CNTLN: variants seen among roughly 807,000 people sequenced by gnomAD.
CNTLN encodes centlein, centrosomal protein.
A neutral mutation model predicts 180.0 loss-of-function variants in CNTLN; 212 were observed. The ratio of observed to expected loss-of-function variants is 1.18; its 90% CI spans 1.05 to 1.32. CNTLN has a LOEUF of 1.32. CNTLN is among the 40% of genes most tolerant of loss of function. The pLI, the probability that CNTLN is intolerant of heterozygous loss-of-function variation, is 0.00. For synonymous variants in CNTLN, 722 were observed against 563.1 expected (o/e 1.28, Z -3.99); for missense variants, 2,095 against 1,610.9 (o/e 1.30, Z -5.14).
intron 5 of CNTLN, among the ~76,000 whole-genome samples, chr9:17,253,999 T>C (rs1210848733): frequency 3.3e-5 from 5 of 151,664 alleles, no homozygotes; most frequent in Non-Finnish European, 5.9e-5. Context: ...TGTGTTGAAT[T>C]TTATCATGAT....
At chr9:17,316,830 G>A (rs565905636) in intron 8 of CNTLN, among the ~76,000 whole-genome samples, 1 of 151,850 alleles carries the variant, frequency 6.6e-6, no homozygotes. Flanking sequence ...TACCCTGGGG[G>A]GGATTATAAC....
At chr9:17,518,522 C>G in the CNTLN span, among the ~76,000 whole-genome samples, 4 of 152,064 alleles carry the variant, frequency 2.6e-5, no homozygotes, top group Non-Finnish European at 5.9e-5. Flanking sequence ...ATGCTTTCAA[C>G]TGAAATATTA....
chr9:17,173,103 C>T (rs116090914), intron 2 of CNTLN, among the ~76,000 whole-genome samples: 2,046 of 152,210 alleles, frequency 0.013, 50 homozygotes, highest in African/African-American at 0.047. Flanking sequence ...ACGAATAGTA[C>T]ATCTTTTATC....
downstream of CNTLN, among the ~76,000 whole-genome samples, chr9:17,506,845 T>A (rs1465079581): frequency 2.6e-5 from 4 of 152,132 alleles, no homozygotes; most frequent in South Asian, 2.1e-4. Flanking sequence ...TCTTAAAAAA[T>A]TTTTAATTGA....
intron 5 of CNTLN, among the ~76,000 whole-genome samples, chr9:17,252,853 T>A: frequency 6.6e-6 from 1 of 151,298 alleles, no homozygotes; most frequent in Non-Finnish European, 1.5e-5. Context: ...ACCAATGTCT[T>A]GGAGAGTTTT....
At chr9:17,521,278 A>AG in the CNTLN span, among the ~76,000 whole-genome samples, 1 of 150,932 alleles carries the variant, frequency 6.6e-6, no homozygotes, top group Non-Finnish European at 1.5e-5. Flanking sequence ...AGAGAGAGAG[A>AG]GAGAGAGAGA....
At chr9:17,433,032 A>AAAC (rs1829517834) in intron 18 of CNTLN, among the ~76,000 whole-genome samples, 1 of 150,032 alleles carries the variant, frequency 6.7e-6, no homozygotes, top group African/African-American at 2.4e-5. Context: ...AAAAAAAAAA[A>AAAC]AAAAAACAAA....
At position 17,394,987 on chromosome 9, in the gene CNTLN, G is replaced by A. The variant is rs766503317; in HGVS notation, c.2533G>A (p.Val845Ile). The change falls in exon 15 of 26, where the codon GTT (valine) becomes ATT (isoleucine). Residue 845 changes from valine (V) to isoleucine (I), a missense_variant. Coordinates refer to ENST00000380647, the MANE Select transcript of CNTLN (RefSeq NM_017738.4). ...KNCSVGRHHTVLNHSIKVMSN... is the reference protein window; with the variant it reads ...KNCSVGRHHTILNHSIKVMSN... ...TTGCTCTGTGGGTCGTCACCACACT[G>A]TTCTCAATCATTCCATCAAGGTTAT... 4 of 1,613,614 alleles carry A rather than the reference G, an allele frequency of 2.5e-6. No homozygotes were observed. The South Asian group carries it at 3.3e-5, about 13-fold the overall frequency.
intron 18 of CNTLN, among the ~76,000 whole-genome samples, chr9:17,417,156 A>G (rs1014351404): frequency 1.3e-4 from 20 of 152,184 alleles, no homozygotes; most frequent in African/African-American, 4.8e-4. Flanking sequence ...GTGGGATACC[A>G]GATAAGACTG....
intron 5 of CNTLN, among the ~76,000 whole-genome samples, chr9:17,249,181 A>T (rs900211415): frequency 1.3e-5 from 2 of 152,030 alleles, no homozygotes; most frequent in African/African-American, 4.8e-5. Flanking sequence ...TATTAATGAG[A>T]TACATCTTTT....
intron 2 of CNTLN, among the ~76,000 whole-genome samples, chr9:17,189,947 G>A (rs1443765199): frequency 6.6e-6 from 1 of 151,806 alleles, no homozygotes; most frequent in Admixed American, 6.6e-5. Flanking sequence ...TCCTTTGTCT[G>A]GAGTAGCTTT....
intron 25 of CNTLN, among the ~76,000 whole-genome samples, chr9:17,489,820 AT>A (rs142958250): frequency 0.01 from 1,588 of 152,218 alleles, 29 homozygotes; most frequent in African/African-American, 0.036. Flanking sequence ...TATATTTGAC[AT>A]TTATCTGCAG....
At chr9:17,345,996 T>C (rs10115784) in intron 12 of CNTLN, among the ~76,000 whole-genome samples, 134,222 of 152,176 alleles carry the variant, frequency 0.88, 59,484 homozygotes, top group Non-Finnish European at 0.92. Flanking sequence ...CTGGATTTCT[T>C]CTTCATTATT....
the CNTLN span, among the ~76,000 whole-genome samples, chr9:17,513,040 C>A: frequency 6.6e-6 from 1 of 152,128 alleles, no homozygotes; most frequent in Non-Finnish European, 1.5e-5. Flanking sequence ...AGAATGGTCT[C>A]AAACTCCTGA....
intron 12 of CNTLN, among the ~76,000 whole-genome samples, chr9:17,358,528 A>G (rs920945928): frequency 1.4e-4 from 21 of 152,182 alleles, no homozygotes; most frequent in Admixed American, 1.1e-3. Flanking sequence ...TATGTACTAC[A>G]TATACACTAT....
chr9:17,211,105 G>A (rs541240323), intron 2 of CNTLN, among the ~76,000 whole-genome samples: 1 of 152,086 alleles, frequency 6.6e-6, no homozygotes, highest in Non-Finnish European at 1.5e-5. Context: ...ATTGCTTTTG[G>A]TGTTTTAGAC....
chr9:17,466,165 GT>G (rs1564130566), intron 22 of CNTLN, 47 bp downstream of exon 22: 1 of 1,514,372 alleles, frequency 6.6e-7, no homozygotes, highest in Non-Finnish European at 9.0e-7. Flanking sequence ...GAATATAATC[GT>G]GTTTGTTTCA....
intron 17 of CNTLN, 34 bp from the exon 18 acceptor site, chr9:17,415,932 T>C (rs1358063986): frequency 6.3e-7 from 1 of 1,587,072 alleles, no homozygotes; most frequent in Non-Finnish European, 8.6e-7. Context: ...TTAAATCTAA[T>C]TTTTAAAATA....
intron 5 of CNTLN, among the ~76,000 whole-genome samples, chr9:17,272,208 C>T (rs371186146): frequency 6.7e-6 from 1 of 149,510 alleles, no homozygotes; most frequent in Non-Finnish European, 1.5e-5. Flanking sequence ...TCCTGAATAG[C>T]TGGGACTACA....
Sources: allele counts gnomAD v4.1 joint callset (sites outside exome capture counted in the v4.1 genomes callset), GRCh38; gene constraint gnomAD v4.1.1; transcripts MANE v1.5; gene names NCBI Gene and HGNC (gene_info 2026-07-23, HGNC 2026-07-21).